RBFOX1: variants seen among roughly 807,000 people sequenced by gnomAD.
RBFOX1 encodes RNA binding fox-1 homolog 1.
Under a neutral mutation model 57.7 loss-of-function variants are expected in RBFOX1, and 8 were observed. That is an observed-to-expected ratio of 0.14 (90% CI 0.08 to 0.25). RBFOX1 has a LOEUF of 0.25. Ranked by LOEUF, RBFOX1 falls within the 10% of genes least tolerant of loss-of-function variation. The pLI is 1.00. For synonymous variants in RBFOX1, 326 were observed against 222.4 expected, an observed-to-expected ratio of 1.47 and a Z score of -4.15; for missense variants, 611 against 548.5, an observed-to-expected ratio of 1.11 and a Z score of -1.14.
chr16:7,220,123 A>G (rs1283434581), intron 4 of RBFOX1, among the ~76,000 whole-genome samples: 1 of 152,222 alleles, frequency 6.6e-6, no homozygotes, highest in Non-Finnish European at 1.5e-5. Context: ...CATATTCAAC[A>G]ATTGTCCTAG....
chr16:7,420,406 C>G (rs780332515), intron 4 of RBFOX1, among the ~76,000 whole-genome samples: 4 of 152,066 alleles, frequency 2.6e-5, no homozygotes, highest in Admixed American at 6.6e-5. Context: ...TTGGTAGTTA[C>G]AGCAATAAAA....
intron 2 of RBFOX1, among the ~76,000 whole-genome samples, chr16:6,339,346 G>A (rs2084201151): frequency 6.6e-6 from 1 of 152,214 alleles, no homozygotes; most frequent in Admixed American, 6.5e-5. Context: ...CCTGATGTGT[G>A]CAGCAAGTCA....
intron 4 of RBFOX1, among the ~76,000 whole-genome samples, chr16:7,262,707 C>T (rs1418340733): frequency 1.3e-5 from 2 of 152,226 alleles, no homozygotes; most frequent in Non-Finnish European, 2.9e-5. Flanking sequence ...CAGCAGGTGT[C>T]TTGGTTATCA....
chr16:6,892,280 A>G (rs1299931908), intron 3 of RBFOX1, among the ~76,000 whole-genome samples: 1 of 152,176 alleles, frequency 6.6e-6, no homozygotes, highest in African/African-American at 2.4e-5. Flanking sequence ...TGTATTTTAG[A>G]CAAGACTCTT....
At chr16:7,121,549 T>A (rs891341263) in intron 4 of RBFOX1, among the ~76,000 whole-genome samples, 1 of 152,008 alleles carries the variant, frequency 6.6e-6, no homozygotes, top group Non-Finnish European at 1.5e-5. Flanking sequence ...TATAAAGTAT[T>A]TGTGAAATTA....
At position 7,709,060 on chromosome 16, in the gene RBFOX1, G is replaced by T; in HGVS notation, c.1000G>T (p.Gly334Ter). The T allele has an allele frequency of 6.2e-7, 1 of 1,612,934 alleles. No homozygotes were observed. The highest frequency in any genetic ancestry group is 8.5e-7 in the Non-Finnish European group (1 of 1,179,138). Residue 334 changes from glycine to a stop codon, truncating the protein, a stop_gained, in exon 15 of 16, where the codon GGA becomes TGA. Transcript: ENST00000550418. LOFTEE classifies it high-confidence loss of function. Reference sequence around the variant, plus strand: ...TCACCTCTATTTTCCTTTCAGTTACGGACGAGTTTATGCTGCCGACCCCTA... The same window carrying T: ...TCACCTCTATTTTCCTTTCAGTTACTGACGAGTTTATGCTGCCGACCCCTA... ...ATAAAYSDSYGRVYAADPYHH... is the reference protein window; with the variant it reads ...ATAAAYSDSY
intron 3 of RBFOX1, among the ~76,000 whole-genome samples, chr16:5,610,870 AAAAGAT>A (rs1367331749): frequency 1.3e-5 from 2 of 152,038 alleles, no homozygotes; most frequent in Non-Finnish European, 2.9e-5. Flanking sequence ...CCTATCTGTC[AAAAGAT>A]AAAAATAAAA....
chr16:5,508,028 TG>T lies in RBFOX1; in HGVS notation c.258+40778del, dbSNP rs369782803. 3.9e-3 allele frequency among the ~76,000 whole-genome samples: 587 copies of T among 151,878 alleles called. 5 individuals are homozygous for T. Among genetic ancestry groups the T allele is most frequent in the African/African-American group, 0.013 (556 of 41,406 alleles). Reference sequence around the variant, plus strand: ...CATGAGCAAGGTGTCCCATCAGGAGTGGGGAAAAATGTAGAAGGGAAACCCC... The same window carrying T: ...CATGAGCAAGGTGTCCCATCAGGAGTGGGAAAAATGTAGAAGGGAAACCCC... On this transcript the variant is annotated intron_variant, in intron 2 of 2. Coordinates refer to the RBFOX1 transcript ENST00000585867.
chr16:7,152,730 C>T (rs184027204), intron 4 of RBFOX1, among the ~76,000 whole-genome samples: 1 of 152,132 alleles, frequency 6.6e-6, no homozygotes, highest in Admixed American at 6.5e-5. Context: ...ATCTTGACTC[C>T]TGGAAAAATA....
intron 2 of RBFOX1, among the ~76,000 whole-genome samples, chr16:6,645,034 G>C (rs1020456491): frequency 1.3e-5 from 2 of 152,146 alleles, no homozygotes; most frequent in African/African-American, 4.8e-5. Context: ...GTGTGAGCAG[G>C]ACGGCTCTCC....
At chr16:6,514,153 G>A (rs188121929) in intron 2 of RBFOX1, among the ~76,000 whole-genome samples, 1 of 152,222 alleles carries the variant, frequency 6.6e-6, no homozygotes, top group East Asian at 1.9e-4. Flanking sequence ...TCCATCCAGT[G>A]CTCTTTCTGC....
At chr16:7,332,956 C>T in intron 4 of RBFOX1, 4 of 1,612,428 alleles carry the variant, frequency 2.5e-6, no homozygotes, top group Non-Finnish European at 3.4e-6. Context: ...CCTAACTCTC[C>T]ATTGATGTGT....
Position 6,478,906 on chromosome 16 carries a change from G to T in RBFOX1, c.-64+161849G>T, listed in dbSNP as rs150139916. Among the ~76,000 whole-genome samples, 319 of 152,164 alleles carry T rather than the reference G, an allele frequency of 2.1e-3. 1 individual carries two copies. The highest frequency in any genetic ancestry group is 7.2e-3 in the African/African-American group (297 of 41,520). On this transcript the variant is annotated intron_variant, in intron 2 of 15. Transcript: ENST00000550418. Reference sequence around the variant, plus strand: ...TAACAGATCTAGCAATAATGAAAAGGTTTGATATATTGTGAGATTTACCCA... The same window carrying T: ...TAACAGATCTAGCAATAATGAAAAGTTTTGATATATTGTGAGATTTACCCA...
rs376034740 is a variant in RBFOX1 at position 5,814,885 on chromosome 16, C to T, written c.319-52418C>T. 1.6e-4 allele frequency among the ~76,000 whole-genome samples: 25 copies of T among 152,096 alleles called. 1 individual carries two copies. The highest frequency in any genetic ancestry group is 1.2e-3 in the South Asian group (6 of 4,814). On this transcript the variant is annotated intron_variant, in intron 3 of 19. Coordinates refer to the RBFOX1 transcript ENST00000641259. The stretch of plus-strand genomic sequence containing the variant: ...CGGAGCTTGCAGTGAGCCGAGATTG[C>T]GCCACTGCAGTCCGCAGTCCGGCCT...
intron 3 of RBFOX1, among the ~76,000 whole-genome samples, chr16:7,011,292 C>G (rs149210450): frequency 5.8e-4 from 88 of 152,226 alleles, no homozygotes; most frequent in Non-Finnish European, 8.4e-4. Context: ...GGTCAAGATG[C>G]TATCATCATT....
In RBFOX1 at chr16:5,922,797, C is replaced by T. The variant is rs889269305; in HGVS notation, c.351+55462C>T. Among the ~76,000 whole-genome samples, 8 of 152,204 alleles carry T rather than the reference C, an allele frequency of 5.3e-5. No individual in the cohort carries two copies. In the East Asian group the frequency reaches 5.8e-4, roughly 11 times the overall value. On this transcript the variant is annotated intron_variant, in intron 4 of 19. Transcript: ENST00000641259. ...AGTAAATTTGGAATTCAGGGGCTAA[C>T]GCTCTCCATTCTGCATGTGAGCCCA...
chr16:6,390,199 C>T (rs1596480531), intron 2 of RBFOX1, among the ~76,000 whole-genome samples: 1 of 152,204 alleles, frequency 6.6e-6, no homozygotes, highest in African/African-American at 2.4e-5. Context: ...TATTTATGCA[C>T]ATGCAATGGA....
At chr16:5,517,474 T>C (rs895379470) in intron 2 of RBFOX1, among the ~76,000 whole-genome samples, 1 of 152,200 alleles carries the variant, frequency 6.6e-6, no homozygotes, top group Non-Finnish European at 1.5e-5. Flanking sequence ...TTTGGCTCAG[T>C]CTCTGAATGT....
intron 3 of RBFOX1, among the ~76,000 whole-genome samples, chr16:6,941,240 C>CCCCTCCCCTTCCCT (rs2078402228): frequency 8.6e-6 from 1 of 116,570 alleles, no homozygotes; most frequent in Non-Finnish European, 1.9e-5. Context: ...CTCCCTCCAT[C>CCCCTCCCCTTCCCT]CCCTCCCATT....
Sources: gnomAD v4.1 joint callset for allele counts (sites outside exome capture counted in the v4.1 genomes callset) on GRCh38, gnomAD v4.1.1 for gene constraint, MANE v1.5 for transcripts, NCBI Gene and HGNC (gene_info 2026-07-23, HGNC 2026-07-21) for gene names.